Variants in NFAT5 observed in about 807,000 individuals in gnomAD.
NFAT5 encodes the protein nuclear factor of activated T-cells 5.
Under a neutral mutation model 166.5 loss-of-function variants are expected in NFAT5, and 31 were observed. That is an observed-to-expected ratio of 0.19 (90% CI 0.14 to 0.25). The LOEUF is 0.25. NFAT5 is among the 10% of genes least tolerant of loss of function. The pLI is 1.00. For synonymous variants in NFAT5, 612 were observed against 639.7 expected (o/e 0.96, Z 0.65); for missense variants, 1,449 against 1,821.8 (o/e 0.80, Z 3.72).
chr16:69,671,069 T>G (rs1304599707), intron 9 of NFAT5, among the ~76,000 whole-genome samples: 1 of 152,204 alleles, frequency 6.6e-6, no homozygotes, highest in East Asian at 1.9e-4. Context: ...AGTTTATAAT[T>G]TCCTTGTTGT....
chr16:69,609,028 G>A (rs1192108935), intron 2 of NFAT5, among the ~76,000 whole-genome samples: 1 of 151,494 alleles, frequency 6.6e-6, no homozygotes, highest in Non-Finnish European at 1.5e-5. Flanking sequence ...GGCTGAGGCA[G>A]GAGAATAGTG....
chr16:69,672,296 T>C (rs1248261223), intron 9 of NFAT5, among the ~76,000 whole-genome samples: 1 of 152,236 alleles, frequency 6.6e-6, no homozygotes. Flanking sequence ...GTCAGACTAG[T>C]CTTAATTGAA....
chr16:69,576,834 G>A (rs992547392), intron 2 of NFAT5, among the ~76,000 whole-genome samples: 3 of 152,202 alleles, frequency 2.0e-5, no homozygotes, highest in Admixed American at 1.3e-4. Context: ...ATGGGACTCA[G>A]AAGTGAAAAG....
At chr16:69,653,087 C>T in intron 4 of NFAT5, 149 bp from the exon 5 acceptor site, 1 of 535,904 alleles carries the variant, frequency 1.9e-6, no homozygotes, top group Non-Finnish European at 3.2e-6. Context: ...ATGTATCTTC[C>T]TTTAGGCAAT....
intron 2 of NFAT5, among the ~76,000 whole-genome samples, chr16:69,581,009 A>G (rs970371904): frequency 6.6e-6 from 1 of 152,174 alleles, no homozygotes; most frequent in African/African-American, 2.4e-5. Context: ...AAAAATTGAG[A>G]AAAAATTCGG....
Position 69,704,513 on chromosome 16 carries a change from T to C in NFAT5, c.*8162T>C, listed in dbSNP as rs1386897935. ...TTTCAGTTTGTTCTCTGGGGGAATT[T>C]CATTTGCATCTATGTTTTTAGCTAT... On this transcript the variant is annotated 3_prime_UTR_variant, in exon 15 of 15. Coordinates refer to ENST00000349945, the MANE Select transcript of NFAT5 (RefSeq NM_138713.4). 2.6e-5 allele frequency: 4 copies of C among 152,676 alleles called. No homozygotes were observed. The highest frequency in any genetic ancestry group is 5.9e-5 in the Non-Finnish European group (4 of 68,038). 9.5% of individuals were successfully genotyped at this position (152,676 alleles called of 1,614,324 possible). A position where few individuals can be genotyped will look rare whatever the true frequency, so the allele number is the denominator to read the frequency against.
chr16:69,627,323 C>CATATATATATATAT (rs10524659), intron 3 of NFAT5, among the ~76,000 whole-genome samples: 1 of 128,880 alleles, frequency 7.8e-6, no homozygotes, highest in Non-Finnish European at 1.6e-5. Context: ...AAAAAGGAAA[C>CATATATATATATAT]ATATATATAT....
Position 69,699,598 on chromosome 16 carries a change from G to A in NFAT5, c.*3247G>A, listed in dbSNP as rs1005353288. 3.3e-5 allele frequency: 5 copies of A among 152,520 alleles called. No individual in the cohort carries two copies. The highest frequency in any genetic ancestry group is 7.3e-5 in the Non-Finnish European group (5 of 68,030). 9.4% of individuals were successfully genotyped at this position (152,520 alleles called of 1,614,324 possible). ...CTTTGAAGCTCAGTGGTTGATATTT[G>A]TGCTAATAATGCAATTTCCTGATTA... On this transcript the variant is annotated 3_prime_UTR_variant, in exon 15 of 15. Coordinates refer to ENST00000349945, the MANE Select transcript of NFAT5 (RefSeq NM_138713.4).
chr16:69,611,507 G>A (rs2033701107), intron 2 of NFAT5, among the ~76,000 whole-genome samples: 1 of 152,174 alleles, frequency 6.6e-6, no homozygotes, highest in Non-Finnish European at 1.5e-5. Flanking sequence ...AAATGCCTTA[G>A]GCAAGGTAAT....
At chr16:69,633,594 A>G (rs1202694035) in intron 3 of NFAT5, among the ~76,000 whole-genome samples, 6 of 152,220 alleles carry the variant, frequency 3.9e-5, no homozygotes, top group African/African-American at 2.4e-5. Flanking sequence ...TAAACACTGC[A>G]TGTTCTCACT....
intron 9 of NFAT5, among the ~76,000 whole-genome samples, chr16:69,674,473 G>A (rs975754433): frequency 6.6e-6 from 1 of 151,676 alleles, no homozygotes; most frequent in Non-Finnish European, 1.5e-5. Context: ...ATATATAAAG[G>A]GATATTCAAT....
rs558955747 is a variant in NFAT5, at chr16:69,614,048, A to G, written c.128-12355A>G. Among the ~76,000 whole-genome samples, 8 of 152,338 alleles carry G rather than the reference A, an allele frequency of 5.3e-5. No individual in the cohort carries two copies. In the South Asian group the frequency reaches 1.4e-3, roughly 28 times the overall value. On this transcript the variant is annotated intron_variant, in intron 2 of 14. Coordinates refer to ENST00000349945, the MANE Select transcript of NFAT5 (RefSeq NM_138713.4). ...CAAGATTCTGTTGCCTTTTTCAACT[A>G]AAATATTTGGTTTTGTTTGATTTTA...
Position 69,647,566 on chromosome 16 carries a change from C to G in NFAT5, c.792C>G (p.Gly264=), listed in dbSNP as rs1487450715. 6.3e-7 allele frequency: 1 copy of G among 1,579,836 alleles called. No homozygotes were observed. Among genetic ancestry groups the G allele is most frequent in the Admixed American group, 1.7e-5 (1 of 58,228 alleles). Residue 264 remains glycine, a synonymous_variant, in exon 4 of 15, where the codon GGC becomes GGG. Coordinates refer to ENST00000349945, the MANE Select transcript of NFAT5 (RefSeq NM_138713.4). The surrounding 1 kb of genome is among the most constrained non-coding windows in gnomAD (Gnocchi z 4.8). ...CTCAGCTTACCACGGACAACAAAGG[C>G]AACTCAAAAGCGGGAAATGGGTTGG... The part of the protein sequence containing the change: ...VLSQLTTDNK[G]NSKAGNGTLE...
chr16:69,670,057 A>T lies in NFAT5; in HGVS notation c.1450A>T (p.Ile484Phe). 6.2e-7 allele frequency: 1 copy of T among 1,613,270 alleles called. No individual in the cohort carries two copies. Among genetic ancestry groups the T allele is most frequent in the Non-Finnish European group, 8.5e-7 (1 of 1,179,768 alleles). The part of the protein sequence containing the change: ...SVKGEEEVFL[I>F]GKNFLKGTKV... ...GAAAGGAGAAGAAGAAGTGTTTTTA[A>T]TCGGCAAGAACTTTCTGAAAGGAAC... is the stretch of plus-strand genomic sequence containing the variant. The change falls in exon 8 of 15, where the codon ATC (isoleucine) becomes TTC (phenylalanine). Residue 484 changes from isoleucine (I) to phenylalanine (F), a missense_variant. Ile to Phe is a conservative substitution (Grantham distance 21, BLOSUM62 0). This residue lies in a region of NFAT5 where 245 missense variants were observed against 366.6 expected (regional missense o/e 0.67). Transcript: ENST00000349945.
rs200125895 is a variant in NFAT5 at position 69,601,504 on chromosome 16, A to G, written c.128-24899A>G. On this transcript the variant is annotated intron_variant, in intron 2 of 14. Coordinates refer to ENST00000349945, the MANE Select transcript of NFAT5 (RefSeq NM_138713.4). The stretch of plus-strand genomic sequence containing the variant: ...AGCCTAGGCCTTTCAAGTGGCTAGG[A>G]CTATAGGTGTGCACCACCATGCTCG... 5.9e-5 allele frequency among the ~76,000 whole-genome samples: 9 copies of G among 152,272 alleles called. No homozygotes were observed. In the East Asian group the frequency reaches 1.7e-3, roughly 29 times the overall value.
intron 2 of NFAT5, among the ~76,000 whole-genome samples, chr16:69,591,434 T>C (rs2032454374): frequency 6.6e-6 from 1 of 152,206 alleles, no homozygotes; most frequent in South Asian, 2.1e-4. Context: ...GGAAGCTGTT[T>C]AGTAAGGGGA....
At chr16:69,639,846 G>A (rs2035126821) in intron 3 of NFAT5, among the ~76,000 whole-genome samples, 1 of 152,124 alleles carries the variant, frequency 6.6e-6, no homozygotes, top group South Asian at 2.1e-4. Context: ...GGATTAGAGA[G>A]CATCTATAAA....
At chr16:69,675,351 CT>C (rs2151682412) in intron 9 of NFAT5, among the ~76,000 whole-genome samples, 1 of 152,314 alleles carries the variant, frequency 6.6e-6, no homozygotes, top group South Asian at 2.1e-4. Context: ...CAACCATCTC[CT>C]TAACTCTAGA....
chr16:69,609,393 C>T (rs1390973968), intron 2 of NFAT5, among the ~76,000 whole-genome samples: 1 of 151,972 alleles, frequency 6.6e-6, no homozygotes, highest in Non-Finnish European at 1.5e-5. Flanking sequence ...TGATGAAATC[C>T]CAGGCATCTT....
Sources: gnomAD v4.1 joint callset for allele counts (sites outside exome capture counted in the v4.1 genomes callset) on GRCh38, gnomAD v4.1.1 for gene constraint, gnomAD v4.1.1 regional missense constraint, Gnocchi (gnomAD v3.1) non-coding constraint, MANE v1.5 for transcripts, NCBI Gene and HGNC (gene_info 2026-07-23, HGNC 2026-07-21) for gene names.